Variants in MCPH1 observed in about 807,000 individuals in gnomAD.
MCPH1 encodes the protein microcephalin 1.
MCPH1 carries 104 observed loss-of-function variants against 84.5 expected under a neutral mutation model. The ratio of observed to expected loss-of-function variants is 1.23; its 90% confidence interval spans 1.05 to 1.45. The LOEUF is 1.45. MCPH1 is among the 40% of genes most tolerant of loss of function. MCPH1 has a pLI of 0.00. For missense variants in MCPH1, 1,498 were observed against 1,005.7 expected, an observed-to-expected ratio of 1.49 and a Z score of -6.62; for synonymous variants, 514 against 366.8, an observed-to-expected ratio of 1.40 and a Z score of -4.58.
intron 12 of MCPH1, among the ~76,000 whole-genome samples, chr8:6,511,044 T>A (rs1202561901): frequency 6.6e-6 from 1 of 152,234 alleles, no homozygotes; most frequent in Non-Finnish European, 1.5e-5. Flanking sequence ...GATGAACCAC[T>A]TCCCTTGCTT....
intron 12 of MCPH1, among the ~76,000 whole-genome samples, chr8:6,515,360 G>A (rs567069265): frequency 2.2e-4 from 33 of 152,256 alleles, no homozygotes; most frequent in African/African-American, 7.7e-4. Context: ...CTGAGCACAA[G>A]GGCCTTGAGG....
At chr8:6,592,622 T>C (rs1439843906) in intron 12 of MCPH1, among the ~76,000 whole-genome samples, 4 of 65,982 alleles carry the variant, frequency 6.1e-5, no homozygotes, top group African/African-American at 1.8e-4. Flanking sequence ...TTCTTTTTTT[T>C]GTTTTTTTTT....
intron 12 of MCPH1, among the ~76,000 whole-genome samples, chr8:6,583,729 C>A (rs1027971282): frequency 6.6e-6 from 1 of 151,588 alleles, no homozygotes; most frequent in Non-Finnish European, 1.5e-5. Context: ...CCAAGTTATC[C>A]GAGGCAGGTT....
chr8:6,520,022 C>G (rs532699897), intron 12 of MCPH1: 5 of 1,609,120 alleles, frequency 3.1e-6, no homozygotes, highest in Non-Finnish European at 4.2e-6. Context: ...GGCATTTAAA[C>G]GGAGTTCATG....
intron 12 of MCPH1, among the ~76,000 whole-genome samples, chr8:6,585,113 T>G (rs1009671407): frequency 6.6e-6 from 1 of 152,272 alleles, no homozygotes; most frequent in East Asian, 1.9e-4. Context: ...TGTATTTTTC[T>G]AATATTTTCA....
intron 3 of MCPH1, among the ~76,000 whole-genome samples, chr8:6,430,748 C>T (rs1026637950): frequency 6.6e-6 from 1 of 152,032 alleles, no homozygotes; most frequent in African/African-American, 2.4e-5. Flanking sequence ...AGAATATGCT[C>T]TAAACATGGG....
chr8:6,490,641 T>G (rs1015642861), intron 11 of MCPH1, among the ~76,000 whole-genome samples: 10 of 152,222 alleles, frequency 6.6e-5, no homozygotes, highest in Admixed American at 5.2e-4. Context: ...ATACTTTTGA[T>G]GTATGATCCA....
At chr8:6,540,449 C>G (rs2922875) in intron 12 of MCPH1, among the ~76,000 whole-genome samples, 1 of 152,028 alleles carries the variant, frequency 6.6e-6, no homozygotes, top group African/African-American at 2.4e-5. Flanking sequence ...ACATTTTACA[C>G]GAGTGTCTTT....
intron 6 of MCPH1, among the ~76,000 whole-genome samples, chr8:6,440,568 A>T (rs928580086): frequency 6.6e-6 from 1 of 152,204 alleles, no homozygotes; most frequent in Admixed American, 6.5e-5. Context: ...AATTTGAGTC[A>T]TCTTATTGTC....
In MCPH1 at chr8:6,528,133, G is replaced by A. The variant is rs145443926; in HGVS notation, c.2214+28204G>A. ...GCTGGTCTGGAACTCCTGACCTCAAGGGATTCACCTGCCTCGGCCTCCCAT... is the reference window on the plus strand; with the variant it reads ...GCTGGTCTGGAACTCCTGACCTCAAAGGATTCACCTGCCTCGGCCTCCCAT... On this transcript the variant is annotated intron_variant, in intron 12 of 13. Coordinates refer to ENST00000344683, the MANE Select transcript of MCPH1 (RefSeq NM_024596.5). Among the ~76,000 whole-genome samples the A allele has an allele frequency of 7.7e-3, 1,174 of 152,256 alleles. 42 individuals carry two copies. Among genetic ancestry groups the A allele is most frequent in the East Asian group, 0.062 (322 of 5,184 alleles).
intron 12 of MCPH1, among the ~76,000 whole-genome samples, chr8:6,605,482 A>G (rs3020252): frequency 0.47 from 72,074 of 151,976 alleles, 17,426 homozygotes; most frequent in African/African-American, 0.56. Flanking sequence ...TAAATCATGG[A>G]AACGAACAAT....
In MCPH1 at chr8:6,418,645, C is replaced by T. The variant is rs190692489; in HGVS notation, c.233+3762C>T. Among the ~76,000 whole-genome samples, 23 of 152,154 alleles carry T rather than the reference C, an allele frequency of 1.5e-4. No homozygotes were observed. In the East Asian group the frequency reaches 2.1e-3, roughly 14 times the overall value. On this transcript the variant is annotated intron_variant, in intron 3 of 13. Coordinates refer to ENST00000344683, the MANE Select transcript of MCPH1 (RefSeq NM_024596.5). ...GTCGCCAGGCTGGAGTGCAGTGGCG[C>T]GATCTGTGCTCACTGCAACCTCCTA...
At chr8:6,515,561 C>T (rs1170357983) in intron 12 of MCPH1, among the ~76,000 whole-genome samples, 3 of 152,190 alleles carry the variant, frequency 2.0e-5, no homozygotes, top group Non-Finnish European at 4.4e-5. Flanking sequence ...CTTTCTTAAG[C>T]TAAGCGCATG....
chr8:6,441,282 C>G (rs903326028), intron 6 of MCPH1, among the ~76,000 whole-genome samples: 1 of 152,178 alleles, frequency 6.6e-6, no homozygotes, highest in South Asian at 2.1e-4. Context: ...TTGCCTTAAA[C>G]TTTACTTTTT....
At chr8:6,515,484 G>C (rs115683609) in intron 12 of MCPH1, among the ~76,000 whole-genome samples, 1,882 of 152,242 alleles carry the variant, frequency 0.012, 37 homozygotes, top group African/African-American at 0.043. Flanking sequence ...TTTTCTCTAA[G>C]CAACTCTTTT....
chr8:6,449,450 A>T (rs1009314337), intron 8 of MCPH1, among the ~76,000 whole-genome samples: 1 of 152,124 alleles, frequency 6.6e-6, no homozygotes, highest in African/African-American at 2.4e-5. Flanking sequence ...CCTGACCAAC[A>T]TAGTGAAACC....
At chr8:6,601,676 C>A (rs1222839677) in intron 12 of MCPH1, among the ~76,000 whole-genome samples, 1 of 151,526 alleles carries the variant, frequency 6.6e-6, no homozygotes, top group East Asian at 1.9e-4. Flanking sequence ...AATACACATG[C>A]CACTACACAC....
chr8:6,567,137 CGG>C (rs1826250891), intron 12 of MCPH1, among the ~76,000 whole-genome samples: 1 of 127,968 alleles, frequency 7.8e-6, no homozygotes, highest in Non-Finnish European at 1.7e-5. Context: ...CGTGTGTGAT[CGG>C]CAAGGCCATG....
intron 12 of MCPH1, among the ~76,000 whole-genome samples, chr8:6,549,363 G>C (rs1275539782): frequency 6.6e-6 from 1 of 152,374 alleles, no homozygotes; most frequent in Admixed American, 6.5e-5. Flanking sequence ...TGTACTGATT[G>C]TTCCAATTAC....
Sources: gnomAD v4.1 joint callset for allele counts (sites outside exome capture counted in the v4.1 genomes callset) on GRCh38, gnomAD v4.1.1 for gene constraint, MANE v1.5 for transcripts, NCBI Gene and HGNC (gene_info 2026-07-23, HGNC 2026-07-21) for gene names.